GRID1: variants seen among roughly 807,000 people sequenced by gnomAD.
The protein encoded by GRID1 is glutamate receptor ionotropic, delta-1.
GRID1 carries 28 observed loss-of-function variants against 98.0 expected under a neutral mutation model. That is an observed-to-expected ratio of 0.29 (90% CI 0.21 to 0.39). The LOEUF (loss-of-function observed/expected upper bound fraction) is 0.39. Among genes scored for constraint, GRID1 ranks in the 10% least tolerant of loss-of-function variants. The pLI is 1.00. For synonymous variants in GRID1, 553 were observed against 538.5 expected (o/e 1.03, Z -0.37); for missense variants, 1,111 against 1,340.5 (o/e 0.83, Z 2.67).
chr10:85,648,093 T>A (rs1330168038), intron 12 of GRID1: 4 of 152,194 alleles, frequency 2.6e-5, no homozygotes, highest in Non-Finnish European at 4.4e-5. Flanking sequence ...TGTTGATAAT[T>A]ATTTAAAAGA....
chr10:85,800,029 A>G (rs1842561731), intron 8 of GRID1, among the ~76,000 whole-genome samples: 1 of 152,128 alleles, frequency 6.6e-6, no homozygotes, highest in Non-Finnish European at 1.5e-5. Flanking sequence ...ATTAAAAAGT[A>G]TAGGGAATAT....
intron 4 of GRID1, among the ~76,000 whole-genome samples, chr10:86,124,410 A>G (rs1844721817): frequency 6.6e-6 from 1 of 152,190 alleles, no homozygotes; most frequent in Non-Finnish European, 1.5e-5. Flanking sequence ...CCTCAGGACC[A>G]CATGACATTC....
Position 86,365,050 on chromosome 10 carries a change from C to A in GRID1, c.80-954G>T, listed in dbSNP as rs796155243. 8.5e-5 allele frequency among the ~76,000 whole-genome samples: 13 copies of A among 152,276 alleles called. No homozygotes were observed. The highest frequency in any genetic ancestry group is 2.9e-4 in the African/African-American group (12 of 41,570). The stretch of plus-strand genomic sequence containing the variant: ...GGTCCCTGAGGTCCCGGAGCTAGGC[C>A]CAGTGATCCCTCGAGCTGGGGGCTG... On this transcript the variant is annotated intron_variant, in intron 1 of 15. Coordinates refer to ENST00000327946, the MANE Select transcript of GRID1 (RefSeq NM_017551.3). This position sits in a 1 kb window ranked among gnomAD's most constrained non-coding sequence, Gnocchi z 4.8.
chr10:86,333,118 T>A (rs934723102), intron 2 of GRID1, among the ~76,000 whole-genome samples: 2 of 152,140 alleles, frequency 1.3e-5, no homozygotes, highest in Admixed American at 6.5e-5. Context: ...AAATCTCCCA[T>A]CAGGCCAGTG....
At chr10:85,763,862 AC>A (rs1842171923) in intron 8 of GRID1, among the ~76,000 whole-genome samples, 1 of 152,172 alleles carries the variant, frequency 6.6e-6, no homozygotes, top group South Asian at 2.1e-4. Context: ...TCCAAAAGGT[AC>A]CAATTCATGA....
At chr10:85,691,443 C>T (rs1047723179) in intron 12 of GRID1, among the ~76,000 whole-genome samples, 3 of 152,136 alleles carry the variant, frequency 2.0e-5, no homozygotes, top group African/African-American at 4.8e-5. Context: ...CTCTGATTCC[C>T]CAGATCCTCG....
At chr10:85,771,053 TG>T (rs1467482112) in intron 8 of GRID1, among the ~76,000 whole-genome samples, 2 of 151,800 alleles carry the variant, frequency 1.3e-5, no homozygotes, top group African/African-American at 4.8e-5. Flanking sequence ...AAGGAAAAAA[TG>T]TTAAGGGCAG....
Position 85,788,262 on chromosome 10 carries a change from T to G in GRID1, c.1234-58648A>C, listed in dbSNP as rs576747346. 2.6e-4 allele frequency among the ~76,000 whole-genome samples: 39 copies of G among 152,172 alleles called. No homozygotes were observed. In the South Asian group the frequency reaches 7.1e-3, roughly 28 times the overall value. On this transcript the variant is annotated intron_variant, in intron 8 of 15. Transcript: ENST00000327946. The stretch of plus-strand genomic sequence containing the variant: ...TGGGAGAAACTTTTCTTATAAAACA[T>G]GGCCAAGGCAGGGAGGCGCAGTGAG...
chr10:85,628,590 A>T (rs1456060666), intron 13 of GRID1, among the ~76,000 whole-genome samples: 1 of 152,150 alleles, frequency 6.6e-6, no homozygotes, highest in Non-Finnish European at 1.5e-5. Context: ...AATCAAAATG[A>T]TGTGAGGCTG....
intron 2 of GRID1, among the ~76,000 whole-genome samples, chr10:86,245,070 C>T (rs1035648291): frequency 6.6e-6 from 1 of 152,198 alleles, no homozygotes; most frequent in African/African-American, 2.4e-5. Flanking sequence ...TTCCTTTCTC[C>T]TCCTGAGGCG....
At position 86,184,461 on chromosome 10, in the gene GRID1, C is replaced by CTTTTTTTTT. The variant is rs1198471392; in HGVS notation, c.520+21894_520+21902dup. On this transcript the variant is annotated intron_variant, in intron 3 of 15. Coordinates refer to ENST00000327946, the MANE Select transcript of GRID1 (RefSeq NM_017551.3). ...GGTGATTGTAGTATATTTCTTTTTT[C>CTTTTTTTTT]TTTTTTTTTTTTTTTTTGCATACAG... is the stretch of plus-strand genomic sequence containing the variant. Among the ~76,000 whole-genome samples, 93 of 122,998 alleles carry CTTTTTTTTT rather than the reference C, an allele frequency of 7.6e-4. 1 individual carries two copies. The highest frequency in any genetic ancestry group is 1.4e-3 in the African/African-American group (46 of 33,014). The allele number at this position is 122,998 out of a possible 152,430, so 80.7% of individuals were successfully genotyped here.
chr10:86,079,734 A>C (rs1455527643), intron 4 of GRID1, among the ~76,000 whole-genome samples: 1 of 152,178 alleles, frequency 6.6e-6, no homozygotes, highest in African/African-American at 2.4e-5. Flanking sequence ...TATTTTCAAG[A>C]TCAAACGAGT....
intron 12 of GRID1, among the ~76,000 whole-genome samples, chr10:85,672,460 A>G (rs994572246): frequency 1.3e-5 from 2 of 152,066 alleles, no homozygotes; most frequent in Admixed American, 1.3e-4. Flanking sequence ...GGTGCCCACC[A>G]CCATGCCCAG....
intron 3 of GRID1, among the ~76,000 whole-genome samples, chr10:86,166,187 A>G (rs1016188285): frequency 1.3e-5 from 2 of 152,162 alleles, no homozygotes; most frequent in Non-Finnish European, 2.9e-5. Flanking sequence ...ATATGTATAC[A>G]TGTGCTATGT....
At chr10:86,063,595 A>G (rs773858523) in intron 4 of GRID1, among the ~76,000 whole-genome samples, 9 of 151,900 alleles carry the variant, frequency 5.9e-5, no homozygotes, top group Non-Finnish European at 1.3e-4. Flanking sequence ...TAGAACCATA[A>G]TGTGCTTAAC....
At chr10:85,778,178 G>C (rs1842349442) in intron 8 of GRID1, among the ~76,000 whole-genome samples, 1 of 152,166 alleles carries the variant, frequency 6.6e-6, no homozygotes, top group African/African-American at 2.4e-5. Flanking sequence ...TGGCCCTGGA[G>C]GGGCTCTGGA....
chr10:85,888,243 T>TA (rs1401340129), intron 5 of GRID1, among the ~76,000 whole-genome samples: 1 of 152,226 alleles, frequency 6.6e-6, no homozygotes, highest in African/African-American at 2.4e-5. Flanking sequence ...AGCATTCAGC[T>TA]AGCAGAGCTG....
At chr10:86,004,437 G>C (rs1207355284) in intron 4 of GRID1, among the ~76,000 whole-genome samples, 1 of 152,160 alleles carries the variant, frequency 6.6e-6, no homozygotes, top group Non-Finnish European at 1.5e-5. Context: ...CTGTGAGATG[G>C]ATGGTTTTGG....
rs1409002115 is a variant in GRID1 at position 85,629,436 on chromosome 10, A to G, written c.2194-9403T>C. Among the ~76,000 whole-genome samples the G allele has an allele frequency of 2.3e-5, 3 of 131,242 alleles. No individual in the cohort carries two copies. In the East Asian group the frequency reaches 7.2e-4, roughly 32 times the overall value. 86.1% of individuals were successfully genotyped at this position (131,242 alleles called of 152,430 possible). On this transcript the variant is annotated intron_variant, in intron 13 of 15. Coordinates refer to ENST00000327946, the MANE Select transcript of GRID1 (RefSeq NM_017551.3). ...GTCTATTATTCCACACTCGATGTCC[A>G]GGTGTACACATTATTTAGCTCCCAC...
Sources: allele counts gnomAD v4.1 joint callset (sites outside exome capture counted in the v4.1 genomes callset), GRCh38; gene constraint gnomAD v4.1.1; non-coding constraint Gnocchi (gnomAD v3.1); transcripts MANE v1.5; gene names NCBI Gene and HGNC (gene_info 2026-07-23, HGNC 2026-07-21).